The following ABTB3 variants were observed in gnomAD, a reference collection of about 807,000 sequenced individuals.
ABTB3 encodes ankyrin repeat and BTB domain containing 3, also known as ankyrin repeat- and BTB/POZ domain-containing protein 3.
At chr12:107,652,599 T>C in the ABTB3 span, among the ~76,000 whole-genome samples, 15 of 152,220 alleles carry the variant, frequency 9.9e-5, no homozygotes, top group Non-Finnish European at 1.6e-4. Flanking sequence ...GGGAGCTTGC[T>C]GAATGCCAGT....
chr12:107,521,029 C>G, the ABTB3 span, among the ~76,000 whole-genome samples: 1 of 152,148 alleles, frequency 6.6e-6, no homozygotes, highest in East Asian at 1.9e-4. Context: ...TCATGTTTAT[C>G]TGGGAATAGG....
chr12:107,491,139 G>T, the ABTB3 span, among the ~76,000 whole-genome samples: 1 of 152,124 alleles, frequency 6.6e-6, no homozygotes, highest in African/African-American at 2.4e-5. Flanking sequence ...AGGATACAGA[G>T]ACCAGCTCTC....
chr12:107,410,515 A>C, the ABTB3 span, among the ~76,000 whole-genome samples: 1 of 152,198 alleles, frequency 6.6e-6, no homozygotes, highest in African/African-American at 2.4e-5. Context: ...CGGGATTCTG[A>C]CTTGGTGAAG....
the ABTB3 span, among the ~76,000 whole-genome samples, chr12:107,538,348 C>T: frequency 6.6e-6 from 1 of 152,212 alleles, no homozygotes; most frequent in Non-Finnish European, 1.5e-5. Context: ...GCTAGCAGGA[C>T]CAGCCCCATT....
At chr12:107,492,252 G>A in the ABTB3 span, among the ~76,000 whole-genome samples, 548 of 152,222 alleles carry the variant, frequency 3.6e-3, 6 homozygotes, top group African/African-American at 0.012. Context: ...GTCAGGCTTC[G>A]TGTTCACCTC....
chr12:107,322,717 C>CTTTTGAAAAGGTA, the ABTB3 span, among the ~76,000 whole-genome samples: 100 of 152,140 alleles, frequency 6.6e-4, no homozygotes, highest in Non-Finnish European at 1.2e-3. Flanking sequence ...TCCCCAGTAC[C>CTTTTGAAAAGGTA]CATTATATAC....
At chr12:107,475,239 C>T in the ABTB3 span, among the ~76,000 whole-genome samples, 1 of 152,194 alleles carries the variant, frequency 6.6e-6, no homozygotes, top group African/African-American at 2.4e-5. Context: ...TTTGCATGCT[C>T]ATGGGTTCGT....
the ABTB3 span, chr12:107,610,022 G>A: frequency 5.4e-6 from 4 of 746,270 alleles, no homozygotes; most frequent in African/African-American, 5.3e-5. Context: ...CAGTCATAAA[G>A]GACAAAGGAT....
At chr12:107,641,958 A>T in the ABTB3 span, 1 of 807,496 alleles carries the variant, frequency 1.2e-6, no homozygotes, top group East Asian at 2.5e-5. Flanking sequence ...AAATGTAAGG[A>T]TATACCAGTG....
At chr12:107,620,543 G>T in the ABTB3 span, among the ~76,000 whole-genome samples, 1 of 152,162 alleles carries the variant, frequency 6.6e-6, no homozygotes, top group African/African-American at 2.4e-5. Flanking sequence ...AAGGAGGAAT[G>T]GGAGGGTGGG....
chr12:107,520,915 T>C, the ABTB3 span, among the ~76,000 whole-genome samples: 1 of 152,142 alleles, frequency 6.6e-6, no homozygotes, highest in Non-Finnish European at 1.5e-5. Context: ...CTAGAGAAAA[T>C]ATCAATGCCT....
chr12:107,447,151 C>CT, the ABTB3 span, among the ~76,000 whole-genome samples: 1 of 151,390 alleles, frequency 6.6e-6, no homozygotes, highest in South Asian at 2.1e-4. Flanking sequence ...CTTTTTTTTT[C>CT]TTTTTTTGAG....
chr12:107,563,324 A>G, the ABTB3 span, among the ~76,000 whole-genome samples: 5 of 152,184 alleles, frequency 3.3e-5, no homozygotes, highest in Admixed American at 1.3e-4. Flanking sequence ...TCATTCATTC[A>G]CTCAAAGAAA....
At chr12:107,610,197 G>A in the ABTB3 span, 8 of 1,614,116 alleles carry the variant, frequency 5.0e-6, no homozygotes, top group East Asian at 8.9e-5. Flanking sequence ...TAGGGCCGAC[G>A]ACTGCTTTTG....
At chr12:107,429,522 T>G in the ABTB3 span, among the ~76,000 whole-genome samples, 40 of 152,356 alleles carry the variant, frequency 2.6e-4, no homozygotes, top group Middle Eastern at 3.4e-3. Context: ...CACTATGGGC[T>G]GGGCTCTTGG....
the ABTB3 span, among the ~76,000 whole-genome samples, chr12:107,401,430 C>T: frequency 1.3e-5 from 2 of 152,318 alleles, no homozygotes; most frequent in East Asian, 1.9e-4. Flanking sequence ...TCTCCAGTCA[C>T]CAGCATTCCC....
the ABTB3 span, chr12:107,319,442 A>G: frequency 1.9e-6 from 3 of 1,607,542 alleles, no homozygotes; most frequent in Non-Finnish European, 2.5e-6. Flanking sequence ...CGCCATGGAG[A>G]TCGTGCTGTC....
At chr12:107,477,781 C>A in the ABTB3 span, among the ~76,000 whole-genome samples, 3 of 152,058 alleles carry the variant, frequency 2.0e-5, no homozygotes, top group East Asian at 5.8e-4. Flanking sequence ...AAAAATAAGC[C>A]AGAAACAAGA....
the ABTB3 span, among the ~76,000 whole-genome samples, chr12:107,653,922 C>G: frequency 6.6e-6 from 1 of 152,096 alleles, no homozygotes; most frequent in Admixed American, 6.6e-5. Flanking sequence ...GAAACTGTAC[C>G]CTTTAAACAC....
Sources: allele counts gnomAD v4.1 joint callset (sites outside exome capture counted in the v4.1 genomes callset), GRCh38; gene constraint gnomAD v4.1.1; transcripts MANE v1.5; gene names NCBI Gene and HGNC (gene_info 2026-07-23, HGNC 2026-07-21).